The following GREB1 variants were observed in gnomAD, a reference collection of about 807,000 sequenced individuals.
The protein encoded by GREB1 is growth regulating estrogen receptor binding 1, also known as protein GREB1.
Under a neutral mutation model 200.7 loss-of-function variants are expected in GREB1, and 106 were observed. That is an observed-to-expected ratio of 0.53 (90% CI 0.45 to 0.62). The LOEUF (loss-of-function observed/expected upper bound fraction) is 0.62, where lower values mean the gene tolerates loss of function less well. Ranked by LOEUF, GREB1 falls within the 20% of genes least tolerant of loss-of-function variation. The pLI is 0.00. For synonymous variants in GREB1, 1,132 were observed against 1,092.4 expected (o/e 1.04, Z -0.72); for missense variants, 2,243 against 2,556.8 (o/e 0.88, Z 2.65).
intron 11 of GREB1, among the ~76,000 whole-genome samples, chr2:11,594,380 A>G (rs1347738318): frequency 6.8e-5 from 10 of 146,438 alleles, no homozygotes; most frequent in African/African-American, 2.3e-4. Context: ...TTTGAGATGG[A>G]GTCTTGCTCT....
intron 1 of GREB1, among the ~76,000 whole-genome samples, chr2:11,512,840 TA>T (rs1298424908): frequency 6.6e-6 from 1 of 152,238 alleles, no homozygotes; most frequent in Non-Finnish European, 1.5e-5. Flanking sequence ...GGAGACTTTT[TA>T]CGCAGCTTAA....
intron 31 of GREB1, 69 bp downstream of exon 31, chr2:11,637,985 C>A: frequency 7.5e-7 from 1 of 1,326,616 alleles, no homozygotes; most frequent in Non-Finnish European, 1.1e-6. Context: ...GGGCTGGAAT[C>A]TGGGACTCTG....
At chr2:11,588,479 C>T (rs1176827106) in intron 9 of GREB1, 3 of 487,216 alleles carry the variant, frequency 6.2e-6, no homozygotes, top group Non-Finnish European at 1.1e-5. Context: ...CTCCAGCCCC[C>T]TCACTTGTAA....
At chr2:11,523,012 T>C (rs1339031880) in intron 1 of GREB1, among the ~76,000 whole-genome samples, 1 of 152,166 alleles carries the variant, frequency 6.6e-6, no homozygotes, top group Non-Finnish European at 1.5e-5. Flanking sequence ...ATAAAGACAG[T>C]GTGGTACAGA....
At chr2:11,579,846 A>G (rs933106008) in intron 6 of GREB1, among the ~76,000 whole-genome samples, 2 of 152,188 alleles carry the variant, frequency 1.3e-5, no homozygotes, top group Admixed American at 6.5e-5. Context: ...GGGCCCTATG[A>G]ACAGCCTGCG....
chr2:11,562,158 A>C (rs1677122449), intron 2 of GREB1, among the ~76,000 whole-genome samples: 1 of 152,238 alleles, frequency 6.6e-6, no homozygotes, highest in South Asian at 2.1e-4. Context: ...ATTTGGAGTC[A>C]TGAGGCCCAG....
At chr2:11,601,791 A>T (rs1321856741) in intron 16 of GREB1, among the ~76,000 whole-genome samples, 1 of 152,238 alleles carries the variant, frequency 6.6e-6, no homozygotes, top group Non-Finnish European at 1.5e-5. Context: ...ACAAATGGGG[A>T]ACATGAGACA....
intron 1 of GREB1, among the ~76,000 whole-genome samples, chr2:11,494,062 C>T (rs1348557495): frequency 6.6e-6 from 1 of 152,174 alleles, no homozygotes; most frequent in Non-Finnish European, 1.5e-5. Flanking sequence ...GAGTGTGGTA[C>T]CCATTGTAAA....
intron 24 of GREB1, among the ~76,000 whole-genome samples, chr2:11,626,724 T>C (rs1684489690): frequency 6.6e-6 from 1 of 152,198 alleles, no homozygotes; most frequent in Admixed American, 6.5e-5. Context: ...TAGTCTACAG[T>C]AAGACATGAT....
At chr2:11,573,725 A>G (rs1678548557) in intron 4 of GREB1, among the ~76,000 whole-genome samples, 1 of 152,162 alleles carries the variant, frequency 6.6e-6, no homozygotes, top group Non-Finnish European at 1.5e-5. Context: ...CTGAGTCCCT[A>G]AATGTTTCCT....
chr2:11,628,408 C>T (rs893892533), intron 25 of GREB1, among the ~76,000 whole-genome samples: 2 of 152,162 alleles, frequency 1.3e-5, no homozygotes, highest in African/African-American at 4.8e-5. Context: ...GAGGCAAGAG[C>T]ACTGGCCTCT....
At chr2:11,509,214 G>A (rs982354150) in intron 1 of GREB1, among the ~76,000 whole-genome samples, 3 of 151,990 alleles carry the variant, frequency 2.0e-5, no homozygotes, top group Non-Finnish European at 4.4e-5. Flanking sequence ...TAAGTCCAAA[G>A]TGTGCAGGAC....
chr2:11,597,711 C>G lies in GREB1; in HGVS notation c.1955-70C>G. 1.4e-6 allele frequency: 2 copies of G among 1,414,750 alleles called. No individual in the cohort carries two copies. The highest frequency in any genetic ancestry group is 2.0e-6 in the Non-Finnish European group (2 of 1,000,116). 87.6% of individuals were successfully genotyped at this position (1,414,750 alleles called of 1,614,324 possible). On this transcript the variant is annotated intron_variant, in intron 13 of 32. Coordinates refer to ENST00000381486, the MANE Select transcript of GREB1 (RefSeq NM_014668.4). This position sits in a 1 kb window ranked among gnomAD's most constrained non-coding sequence, Gnocchi z 4.1. ...CTCCCCTGGACAGGTCTCACTGATT[C>G]TCTGGCCAAGGGCCTGGCAGTAGCC...
At chr2:11,551,354 T>C (rs1169290070) in intron 1 of GREB1, among the ~76,000 whole-genome samples, 2 of 152,234 alleles carry the variant, frequency 1.3e-5, no homozygotes, top group African/African-American at 4.8e-5. Flanking sequence ...GATAAGCAGA[T>C]ATCAAAGGTC....
chr2:11,609,242 T>TTTA (rs1553374319), intron 17 of GREB1, among the ~76,000 whole-genome samples: 3 of 136,920 alleles, frequency 2.2e-5, no homozygotes, highest in East Asian at 4.3e-4. Context: ...GGCATTATTA[T>TTTA]TTTATTTATT....
intron 20 of GREB1, 117 bp downstream of exon 20, chr2:11,615,407 G>A (rs1683319573): frequency 1.2e-6 from 1 of 835,314 alleles, no homozygotes; most frequent in Admixed American, 2.3e-5. Flanking sequence ...CAGGGTCCTG[G>A]GACCTGTCTG....
rs1201937282 is a variant in GREB1 at position 11,637,797 on chromosome 2, G to T, written c.5428G>T (p.Ala1810Ser). Reference protein sequence around the residue: ...DSKHTFLAAPAQLLLEKFLQH... With the variant: ...DSKHTFLAAPSQLLLEKFLQH... ...CAAGCACACGTTCCTCGCAGCGCCC[G>T]CCCAGCTCCTGCTGGAGAAGTTCCT... The change falls in exon 31 of 33, where the codon GCC (alanine) becomes TCC (serine). Residue 1810 changes from alanine (A) to serine (S), a missense_variant. Around this residue, in one of 3 missense-constraint regions of GREB1, gnomAD observed 478 missense variants for 616.3 expected, o/e 0.78. Coordinates refer to ENST00000381486, the MANE Select transcript of GREB1 (RefSeq NM_014668.4). 6.2e-7 allele frequency: 1 copy of T among 1,614,092 alleles called. No homozygotes were observed.
intron 1 of GREB1, chr2:11,542,818 G>A (rs535946114): frequency 6.6e-6 from 1 of 152,632 alleles, no homozygotes. Flanking sequence ...AAACAACAAA[G>A]TGAGTTCAGG....
chr2:11,640,373 G>A lies in GREB1; in HGVS notation c.5769G>A (p.Gln1923=). The A allele has an allele frequency of 6.2e-7, 1 of 1,614,236 alleles. No individual in the cohort carries two copies. The highest frequency in any genetic ancestry group is 8.5e-7 in the Non-Finnish European group (1 of 1,180,054). ...GCCTGGAGCTCGAGGACGAGTGGCA[G>A]TTCCGGCTGCGCGATGAGTTCCAGA... The part of the protein sequence containing the change: ...VVRLELEDEW[Q]FRLRDEFQTA... The change falls in exon 33 of 33, where the codon CAG becomes CAA. Residue 1923 remains glutamine, a synonymous_variant. Coordinates refer to ENST00000381486, the MANE Select transcript of GREB1 (RefSeq NM_014668.4). The surrounding 1 kb of genome is among the most constrained non-coding windows in gnomAD (Gnocchi z 4.6).
Sources: allele counts gnomAD v4.1 joint callset (sites outside exome capture counted in the v4.1 genomes callset), GRCh38; gene constraint gnomAD v4.1.1; regional missense constraint gnomAD v4.1.1; non-coding constraint Gnocchi (gnomAD v3.1); transcripts MANE v1.5; gene names NCBI Gene and HGNC (gene_info 2026-07-23, HGNC 2026-07-21).